AEN: variants seen among roughly 807,000 people sequenced by gnomAD.
The protein encoded by AEN is apoptosis enhancing nuclease, also known as apoptosis-enhancing nuclease.
AEN carries 21 observed loss-of-function variants against 17.7 expected under a neutral mutation model. That is an observed-to-expected ratio of 1.19 (90% CI 0.84 to 1.71). The LOEUF (loss-of-function observed/expected upper bound fraction) is 1.71, where lower values mean the gene tolerates loss of function less well. AEN is among the 40% of genes most tolerant of loss of function. The pLI, the probability that AEN is intolerant of heterozygous loss-of-function variation, is 0.00. For synonymous variants in AEN, 190 were observed against 173.0 expected (o/e 1.10, Z -0.77); for missense variants, 462 against 435.9 (o/e 1.06, Z -0.53).
At chr15:88,619,568 A>C (rs2057764754), upstream of AEN, among the ~76,000 whole-genome samples, 1 of 152,114 alleles carries the variant, frequency 6.6e-6, no homozygotes, top group African/African-American at 2.4e-5. Flanking sequence ...CGTGCCTGTA[A>C]TCCCAGCTGT....
rs2057935707 is a variant in AEN, at chr15:88,632,034, T to TC, written c.*1743dup. 1 of 152,246 alleles carries TC rather than the reference T, an allele frequency of 6.6e-6. No homozygotes were observed. Among genetic ancestry groups the TC allele is most frequent in the African/African-American group, 2.4e-5 (1 of 41,442 alleles). The allele number at this position is 152,246 out of a possible 1,614,324, so 9.4% of individuals were successfully genotyped here. On this transcript the variant is annotated 3_prime_UTR_variant, in exon 4 of 4. Transcript: ENST00000332810. ...ATAGATTGTCCAGTCACTGGCTCCC[T>TC]CCCTGTCAGCACAGCACAGAGGAAG...
intron 1 of AEN, among the ~76,000 whole-genome samples, chr15:88,623,178 G>T (rs1052157602): frequency 6.6e-6 from 1 of 152,190 alleles, no homozygotes; most frequent in Non-Finnish European, 1.5e-5. Flanking sequence ...GAATTTGTCA[G>T]TTCTAAGATG....
At chr15:88,613,655 G>C in the AEN span, among the ~76,000 whole-genome samples, 4 of 151,904 alleles carry the variant, frequency 2.6e-5, no homozygotes, top group East Asian at 7.8e-4. Flanking sequence ...GTGGTGGGGG[G>C]AGTCCTGGCT....
At chr15:88,620,998 G>GT (rs11408823), upstream of AEN, among the ~76,000 whole-genome samples, 115,567 of 152,052 alleles carry the variant, frequency 0.76, 47,215 homozygotes, top group Non-Finnish European at 0.91. Context: ...GGTGTACTCA[G>GT]TAAGTCATTC....
Position 88,626,754 on chromosome 15 carries a change from G to T in AEN, c.540+5G>T. On this transcript the variant is annotated splice_donor_5th_base_variant and intron_variant, in intron 2 of 3. Transcript: ENST00000332810. ...TTCCAGGTGGCCCAGAAAGAGGTAA[G>T]GGCAGGGATGGGGACTTGTTTGGGA... 1 of 1,602,862 alleles carries T rather than the reference G, an allele frequency of 6.2e-7. No individual in the cohort carries two copies. Among genetic ancestry groups the T allele is most frequent in the South Asian group, 1.1e-5 (1 of 90,906 alleles).
the AEN span, among the ~76,000 whole-genome samples, chr15:88,616,004 A>G: frequency 6.6e-6 from 1 of 152,198 alleles, no homozygotes; most frequent in African/African-American, 2.4e-5. Flanking sequence ...CCTTGAAGTC[A>G]GAGCTTGGAT....
intron 1 of AEN, among the ~76,000 whole-genome samples, chr15:88,625,601 T>G (rs1596028786): frequency 6.6e-6 from 1 of 152,266 alleles, no homozygotes; most frequent in Non-Finnish European, 1.5e-5. Context: ...TATGAAATTC[T>G]TTCTCCAGGT....
At chr15:88,616,612 GT>G (rs2057740488), upstream of AEN, among the ~76,000 whole-genome samples, 1 of 152,186 alleles carries the variant, frequency 6.6e-6, no homozygotes. Context: ...GGGACATCAA[GT>G]TTTTTTACTT....
chr15:88,629,163 C>CTA, intron 2 of AEN, 63 bp from the exon 3 acceptor site: 3 of 1,529,586 alleles, frequency 2.0e-6, no homozygotes, highest in Non-Finnish European at 2.7e-6. Context: ...GTTCTCAGGG[C>CTA]GTGTCTCCTG....
Position 88,626,264 on chromosome 15 carries a change from A to T in AEN, c.55A>T (p.Ile19Phe), listed in dbSNP as rs140747161. ...TCAGTGCCTGTGCCCTTCCCTCACC[A>T]TCCCAAATGCCAAGGATGTGCTTCG... ...SAQCLCPSLT[I>F]PNAKDVLRKR... Residue 19 changes from isoleucine to phenylalanine, a missense_variant, in exon 2 of 4, where the codon ATC becomes TTC. Physicochemically the swap from Ile to Phe is conservative, Grantham distance 21. Coordinates refer to ENST00000332810, the MANE Select transcript of AEN (RefSeq NM_022767.4). 37 of 1,613,080 alleles carry T rather than the reference A, an allele frequency of 2.3e-5. No homozygotes were observed. Among genetic ancestry groups the T allele is most frequent in the Non-Finnish European group, 3.1e-5 (36 of 1,179,728 alleles).
chr15:88,613,893 G>C, the AEN span, among the ~76,000 whole-genome samples: 2,856 of 152,210 alleles, frequency 0.019, 86 homozygotes, highest in African/African-American at 0.066. Flanking sequence ...TTCTTTCATA[G>C]TTTTCATGGT....
At position 88,629,350 on chromosome 15, in the gene AEN, G is replaced by GCGAGCCCGGCCTCCACACC. The variant is rs751971550; in HGVS notation, c.668_686dup (p.Val232ProfsTer66). 15 of 1,613,972 alleles carry GCGAGCCCGGCCTCCACACC rather than the reference G, an allele frequency of 9.3e-6. No homozygotes were observed. In the African/African-American group the frequency reaches 1.2e-4, roughly 13 times the overall value. ...ACGACCTATGTCCCAAACTTCCTCA[G>GCGAGCCCGGCCTCCACACC]CGAGCCCGGCCTCCACACCCGGGCC... On this transcript the variant is annotated frameshift_variant, in exon 3 of 4. Coordinates refer to ENST00000332810, the MANE Select transcript of AEN (RefSeq NM_022767.4). LOFTEE classifies it high-confidence loss of function.
the AEN span, among the ~76,000 whole-genome samples, chr15:88,607,687 A>T: frequency 6.6e-6 from 1 of 152,220 alleles, no homozygotes; most frequent in Non-Finnish European, 1.5e-5. Context: ...ATAAACACAC[A>T]GGTCTTTTCT....
intron 2 of AEN, chr15:88,629,001 G>A: frequency 1.9e-6 from 1 of 537,592 alleles, no homozygotes; most frequent in Non-Finnish European, 3.3e-6. Flanking sequence ...GTTTCCCTTT[G>A]ACAGGTGCAG....
intron 1 of AEN, among the ~76,000 whole-genome samples, chr15:88,622,759 G>T (rs1050160794): frequency 2.0e-5 from 3 of 152,092 alleles, no homozygotes; most frequent in African/African-American, 7.2e-5. Flanking sequence ...CTGGTTTTGG[G>T]TCTGGTTTTG....
In AEN at chr15:88,626,251, C is replaced by CCCTT. The variant is rs760586203; in HGVS notation, c.45_48dup (p.Leu17PhefsTer60). 5 of 1,611,162 alleles carry CCCTT rather than the reference C, an allele frequency of 3.1e-6. No homozygotes were observed. In the East Asian group the frequency reaches 1.1e-4, roughly 36 times the overall value. On this transcript the variant is annotated frameshift_variant, in exon 2 of 4. Transcript: ENST00000332810. LOFTEE classifies it high-confidence loss of function. The stretch of plus-strand genomic sequence containing the variant: ...CCCCTGAGTCTGCTCAGTGCCTGTG[C>CCCTT]CCTTCCCTCACCATCCCAAATGCCA...
intron 1 of AEN, among the ~76,000 whole-genome samples, chr15:88,622,960 T>C (rs1022194987): frequency 6.6e-6 from 1 of 152,188 alleles, no homozygotes; most frequent in Non-Finnish European, 1.5e-5. Flanking sequence ...ACAGAGACCT[T>C]TTCTCAGATA....
At chr15:88,606,579 G>T in the AEN span, among the ~76,000 whole-genome samples, 1 of 152,126 alleles carries the variant, frequency 6.6e-6, no homozygotes, top group Admixed American at 6.5e-5. Flanking sequence ...GCAACCAGTC[G>T]CAGCACCTGC....
In AEN at chr15:88,630,770, T is replaced by C. The variant is rs2057917959; in HGVS notation, c.*476T>C. ...ACTTGGGGGTAAAGTTCTCTTCCTT[T>C]TGTTGCCTACCTCTTCCTCCACTCA... On this transcript the variant is annotated 3_prime_UTR_variant, in exon 4 of 4. Transcript: ENST00000332810. The surrounding 1 kb of genome is among the most constrained non-coding windows in gnomAD (Gnocchi z 5.1). 4 of 219,286 alleles carry C rather than the reference T, an allele frequency of 1.8e-5. No homozygotes were observed. In the South Asian group the frequency reaches 2.6e-4, roughly 14 times the overall value. The allele number at this position is 219,286 out of a possible 1,614,324, so 13.6% of individuals were successfully genotyped here. A position where few individuals can be genotyped will look rare whatever the true frequency, so the allele number is the denominator to read the frequency against.
Sources: allele counts gnomAD v4.1 joint callset (sites outside exome capture counted in the v4.1 genomes callset), GRCh38; gene constraint gnomAD v4.1.1; non-coding constraint Gnocchi (gnomAD v3.1); transcripts MANE v1.5; gene names NCBI Gene and HGNC (gene_info 2026-07-23, HGNC 2026-07-21).